THRB: variants seen among roughly 807,000 people sequenced by gnomAD.
THRB encodes nuclear receptor subfamily 1 group A member 2.
Under a neutral mutation model 47.8 loss-of-function variants are expected in THRB, and 12 were observed. The observed-to-expected ratio is 0.25, with a 90% CI of 0.16 to 0.41. The LOEUF is 0.41. Among genes scored for constraint, THRB ranks in the 10% least tolerant of loss-of-function variants. THRB has a pLI of 1.00. For synonymous variants in THRB, 218 were observed against 212.2 expected (o/e 1.03, Z -0.24); for missense variants, 348 against 589.2 (o/e 0.59, Z 4.24).
At chr3:24,387,504 C>A (rs1027780888) in intron 1 of THRB, among the ~76,000 whole-genome samples, 2 of 152,164 alleles carry the variant, frequency 1.3e-5, no homozygotes, top group Non-Finnish European at 2.9e-5. Context: ...CACTTCTGAT[C>A]ACCCCTGTGA....
chr3:24,413,678 A>T (rs1455550549), intron 1 of THRB, among the ~76,000 whole-genome samples: 1 of 151,550 alleles, frequency 6.6e-6, no homozygotes, highest in East Asian at 2.0e-4. Context: ...TTAACTCATC[A>T]TTTACATTAG....
chr3:24,212,451 G>A lies in THRB; in HGVS notation c.22+16487C>T, dbSNP rs569604669. ...ACGAAAATTAGCCAGGCATGGTGGC[G>A]GGCACCTGTAATCCCAGCTACTCCG... On this transcript the variant is annotated intron_variant, in intron 4 of 10. Coordinates refer to ENST00000646209, the MANE Select transcript of THRB (RefSeq NM_001354712.2). Among the ~76,000 whole-genome samples the A allele has an allele frequency of 4.0e-5, 6 of 151,050 alleles. No individual in the cohort carries two copies. The South Asian group carries it at 8.4e-4, about 21-fold the overall frequency.
chr3:24,376,108 T>C (rs919797578), intron 1 of THRB, among the ~76,000 whole-genome samples: 8 of 152,172 alleles, frequency 5.3e-5, no homozygotes, highest in African/African-American at 1.9e-4. Context: ...ATCAAATTTA[T>C]GTGTGCTTCA....
At chr3:24,393,333 CT>C (rs2150000242) in intron 1 of THRB, among the ~76,000 whole-genome samples, 1 of 152,286 alleles carries the variant, frequency 6.6e-6, no homozygotes, top group South Asian at 2.1e-4. Flanking sequence ...CTTGCAGTAA[CT>C]TCTGCTGAAC....
At chr3:24,485,533 T>C (rs1697162872) in intron 1 of THRB, among the ~76,000 whole-genome samples, 1 of 152,192 alleles carries the variant, frequency 6.6e-6, no homozygotes, top group African/African-American at 2.4e-5. Context: ...CAAAGAACTC[T>C]TTTAAAATAA....
chr3:24,464,201 G>A (rs181774139), intron 1 of THRB, among the ~76,000 whole-genome samples: 7 of 150,054 alleles, frequency 4.7e-5, no homozygotes, highest in African/African-American at 9.8e-5. Flanking sequence ...AGCCGAGATC[G>A]CGCCACTGCA....
chr3:24,485,364 A>G (rs1697127702), intron 1 of THRB, among the ~76,000 whole-genome samples: 1 of 152,230 alleles, frequency 6.6e-6, no homozygotes, highest in Admixed American at 6.5e-5. Flanking sequence ...ATTAAATTAG[A>G]AAAATTTTGC....
rs1491533632 is a variant in THRB, at chr3:24,228,634, AAG to A, written c.22+302_22+303del. ...GGTGACAGAGCAAGACCATGTCTCA[AAG>A]AAAAAAAAAAAAAAAAGGAAAAAAA... On this transcript the variant is annotated intron_variant, in intron 4 of 10. Transcript: ENST00000646209. Among the ~76,000 whole-genome samples the A allele has an allele frequency of 5.2e-3, 724 of 138,088 alleles. 14 individuals carry two copies. Among genetic ancestry groups the A allele is most frequent in the Non-Finnish European group, 8.8e-3 (550 of 62,684 alleles). The allele number at this position is 138,088 out of a possible 152,430, so 90.6% of individuals were successfully genotyped here.
intron 4 of THRB, among the ~76,000 whole-genome samples, chr3:24,200,151 A>T (rs1175472333): frequency 2.0e-5 from 3 of 152,178 alleles, no homozygotes; most frequent in South Asian, 2.1e-4. Flanking sequence ...ACGAGCCACA[A>T]ATGCACATAA....
chr3:24,432,110 G>A (rs2125291051), intron 1 of THRB, among the ~76,000 whole-genome samples: 2 of 152,150 alleles, frequency 1.3e-5, no homozygotes, highest in Middle Eastern at 6.8e-3. Context: ...TAAAATGAGT[G>A]TTGGCTTCAT....
chr3:24,148,019 T>G (rs1010103438), intron 6 of THRB, among the ~76,000 whole-genome samples: 1 of 152,236 alleles, frequency 6.6e-6, no homozygotes, highest in African/African-American at 2.4e-5. Flanking sequence ...ATTACTTGAA[T>G]GTTTTAGATC....
chr3:24,389,679 T>G (rs937099536), intron 1 of THRB, among the ~76,000 whole-genome samples: 1 of 152,050 alleles, frequency 6.6e-6, no homozygotes, highest in African/African-American at 2.4e-5. Context: ...GCTTCCTATC[T>G]CAATTCCCCC....
chr3:24,451,528 C>T lies in THRB; in HGVS notation c.-261+43124G>A, dbSNP rs2072655358. Among the ~76,000 whole-genome samples, 2 of 152,170 alleles carry T rather than the reference C, an allele frequency of 1.3e-5. 1 individual carries two copies. The highest frequency in any genetic ancestry group is 4.8e-5 in the African/African-American group (2 of 41,436). Reference sequence around the variant, plus strand: ...GGGATTACAGGCGTGAGCCACCACGCCCGGCCTACATGTACCTTTAGCTTT... The same window carrying T: ...GGGATTACAGGCGTGAGCCACCACGTCCGGCCTACATGTACCTTTAGCTTT... On this transcript the variant is annotated intron_variant, in intron 1 of 10. Coordinates refer to ENST00000646209, the MANE Select transcript of THRB (RefSeq NM_001354712.2).
intron 10 of THRB, among the ~76,000 whole-genome samples, chr3:24,125,182 A>G (rs527818047): frequency 6.6e-6 from 1 of 152,368 alleles, no homozygotes; most frequent in Non-Finnish European, 1.5e-5. Flanking sequence ...GACATAAATC[A>G]GAAGATAACC....
intron 3 of THRB, among the ~76,000 whole-genome samples, chr3:24,229,579 C>T (rs35649433): frequency 1.3e-5 from 2 of 152,170 alleles, no homozygotes. Context: ...TCACCACTAC[C>T]TTAATGAGAT....
intron 2 of THRB, among the ~76,000 whole-genome samples, chr3:24,326,453 C>G (rs774206342): frequency 3.2e-4 from 49 of 152,216 alleles, no homozygotes; most frequent in South Asian, 6.2e-4. Context: ...CCAGGCTGGT[C>G]TTGAACTCCT....
chr3:24,473,748 C>T (rs1312116631), intron 1 of THRB, among the ~76,000 whole-genome samples: 1 of 152,148 alleles, frequency 6.6e-6, no homozygotes, highest in Non-Finnish European at 1.5e-5. Context: ...ACCACATATA[C>T]TATGGAGCCA....
At chr3:24,358,761 G>T (rs1343684473) in intron 1 of THRB, among the ~76,000 whole-genome samples, 1 of 151,976 alleles carries the variant, frequency 6.6e-6, no homozygotes, top group East Asian at 1.9e-4. Flanking sequence ...TTCTCGCATG[G>T]TTATTTTTCC....
chr3:24,352,012 G>C (rs1235353559), intron 1 of THRB, among the ~76,000 whole-genome samples: 2 of 152,146 alleles, frequency 1.3e-5, no homozygotes, highest in Non-Finnish European at 2.9e-5. Flanking sequence ...ATGAAGAATG[G>C]TGTGAGCATC....
Sources: allele counts gnomAD v4.1 joint callset (sites outside exome capture counted in the v4.1 genomes callset), GRCh38; gene constraint gnomAD v4.1.1; transcripts MANE v1.5; gene names NCBI Gene and HGNC (gene_info 2026-07-23, HGNC 2026-07-21).